The following CACNA1A variants were observed in gnomAD, a reference collection of about 807,000 sequenced individuals.
The protein encoded by CACNA1A is calcium voltage-gated channel subunit alpha1 A.
In CACNA1A, 57 loss-of-function variants were observed where a neutral mutation model predicts 262.4. That is an observed-to-expected ratio of 0.22 (90% confidence interval 0.18 to 0.27). The LOEUF is 0.27. Among genes scored for constraint, CACNA1A ranks in the 10% least tolerant of loss-of-function variants. CACNA1A has a pLI of 1.00. For synonymous variants in CACNA1A, 1,431 were observed against 1,419.3 expected (o/e 1.01, Z -0.18); for missense variants, 2,526 against 3,562.8 (o/e 0.71, Z 7.41).
chr19:13,346,611 ATTGATTATATATATATATATATAT>A (rs2058767185), intron 6 of CACNA1A, among the ~76,000 whole-genome samples: 1 of 92,070 alleles, frequency 1.1e-5, no homozygotes, highest in Admixed American at 1.3e-4. Context: ...AAAATTTTTA[ATTGATTATATATATATATATATAT>A]ATATATATAT....
intron 10 of CACNA1A, among the ~76,000 whole-genome samples, chr19:13,321,025 C>CTTTTTTTTTTTTTT: frequency 7.4e-6 from 1 of 135,940 alleles, no homozygotes; most frequent in Non-Finnish European, 1.6e-5. Flanking sequence ...TGTTCTTTTC[C>CTTTTTTTTTTTTTT]TTTTTTTTTT....
chr19:13,310,782 T>C (rs901656545), intron 12 of CACNA1A, among the ~76,000 whole-genome samples: 3 of 151,496 alleles, frequency 2.0e-5, no homozygotes, highest in Non-Finnish European at 4.4e-5. Flanking sequence ...GCTCAGGACA[T>C]TTTAAAATTT....
At chr19:13,228,822 G>A (rs1175050644) in intron 36 of CACNA1A, 2 of 1,377,206 alleles carry the variant, frequency 1.5e-6, no homozygotes, top group Non-Finnish European at 2.0e-6. Context: ...GGGGGTTAGT[G>A]CAGGCAATGG....
chr19:13,433,505 C>T (rs1352418308), intron 3 of CACNA1A, among the ~76,000 whole-genome samples: 2 of 142,816 alleles, frequency 1.4e-5, no homozygotes, highest in African/African-American at 5.1e-5. Context: ...AAGATGGACC[C>T]CCAGGGACAT....
intron 1 of CACNA1A, among the ~76,000 whole-genome samples, chr19:13,485,680 A>G (rs1030029394): frequency 2.0e-5 from 3 of 152,222 alleles, no homozygotes; most frequent in African/African-American, 7.2e-5. Context: ...AGAAATCACC[A>G]TGAGAAAGGC....
chr19:13,377,562 C>T (rs2059441948), intron 3 of CACNA1A, among the ~76,000 whole-genome samples: 1 of 151,030 alleles, frequency 6.6e-6, no homozygotes, highest in African/African-American at 2.4e-5. Context: ...GGGGTTTCAC[C>T]ATATTGACCA....
chr19:13,408,084 T>C (rs866068931), intron 3 of CACNA1A, among the ~76,000 whole-genome samples: 1 of 152,202 alleles, frequency 6.6e-6, no homozygotes, highest in African/African-American at 2.4e-5. Context: ...CCGCACAGCC[T>C]GTGGAGCCGT....
chr19:13,259,737 A>C, intron 26 of CACNA1A, 36 bp from the exon 27 acceptor site: 1 of 1,605,116 alleles, frequency 6.2e-7, no homozygotes, highest in Non-Finnish European at 8.5e-7. Flanking sequence ...GTAAATGGGA[A>C]AGAGGGGCTG....
chr19:13,355,708 TGCAGTATAAG>T (rs1451019465), intron 6 of CACNA1A, among the ~76,000 whole-genome samples: 1 of 152,190 alleles, frequency 6.6e-6, no homozygotes, highest in Non-Finnish European at 1.5e-5. Flanking sequence ...GACAGCTGAT[TGCAGTATAAG>T]GCATCCCCGT....
chr19:13,226,994 C>CG (rs1458651501), intron 37 of CACNA1A: 1 of 152,684 alleles, frequency 6.5e-6, no homozygotes, highest in African/African-American at 2.4e-5. Context: ...CGCCTGCTTT[C>CG]GGGGGCTAAA....
rs1341492474 is a variant in CACNA1A, at chr19:13,207,818, C to T, written c.7016G>A (p.Arg2339Gln). The T allele has an allele frequency of 1.1e-5, 16 of 1,460,064 alleles. No individual in the cohort carries two copies. The highest frequency in any genetic ancestry group is 1.5e-5 in the African/African-American group (1 of 67,456). 90.4% of individuals were successfully genotyped at this position (1,460,064 alleles called of 1,614,324 possible). The part of the protein sequence containing the change: ...RPGRAATSGP[R>Q]RYPGPTAEPL... ...CTCGGCCGTGGGGCCTGGGTACCTC[C>T]GAGGGCCGCTGGTGGCCGCCCGGCC... Residue 2339 changes from arginine to glutamine, a missense_variant, in exon 47 of 47, where the codon CGG becomes CAG. This residue lies in a region of CACNA1A where 929 missense variants were observed against 868.1 expected (regional missense o/e 1.07). Coordinates refer to ENST00000360228, the MANE Select transcript of CACNA1A (RefSeq NM_001127222.2). This position sits in a 1 kb window ranked among gnomAD's most constrained non-coding sequence, Gnocchi z 5.7.
intron 38 of CACNA1A, among the ~76,000 whole-genome samples, chr19:13,218,873 G>GA (rs2144563058): frequency 6.6e-6 from 1 of 152,236 alleles, no homozygotes; most frequent in East Asian, 1.9e-4. Flanking sequence ...GAGTAGTTGG[G>GA]ATTACAGGGG....
At chr19:13,466,292 C>A (rs2061236888) in intron 1 of CACNA1A, among the ~76,000 whole-genome samples, 1 of 150,464 alleles carries the variant, frequency 6.6e-6, no homozygotes. Flanking sequence ...CTGGGCGACA[C>A]AGTGAGGCTC....
intron 37 of CACNA1A, chr19:13,226,309 G>T (rs1568437745): frequency 7.0e-6 from 1 of 143,800 alleles, no homozygotes; most frequent in Non-Finnish European, 1.5e-5. Flanking sequence ...GCCAGGAGAG[G>T]CTCATTGTCT....
intron 3 of CACNA1A, among the ~76,000 whole-genome samples, chr19:13,413,200 A>G (rs991400064): frequency 2.7e-5 from 4 of 149,768 alleles, no homozygotes; most frequent in Non-Finnish European, 4.4e-5. Context: ...TCCGCCTCCC[A>G]GGTTCACACC....
At chr19:13,449,112 G>A (rs569802004) in intron 3 of CACNA1A, among the ~76,000 whole-genome samples, 3 of 151,796 alleles carry the variant, frequency 2.0e-5, no homozygotes, top group Admixed American at 1.3e-4. Context: ...GACTACAGGC[G>A]TGCGTCATCA....
At chr19:13,483,624 G>C (rs779924689) in intron 1 of CACNA1A, among the ~76,000 whole-genome samples, 17 of 152,184 alleles carry the variant, frequency 1.1e-4, no homozygotes, top group Admixed American at 4.6e-4. Flanking sequence ...TATGGTCTTG[G>C]GCAGACTGGA....
chr19:13,318,890 C>CTTTTTTTTTTTTATTTTTTTTT (rs2058186733), intron 10 of CACNA1A, among the ~76,000 whole-genome samples: 1 of 114,668 alleles, frequency 8.7e-6, no homozygotes, highest in East Asian at 3.1e-4. Context: ...TAAAATACAT[C>CTTTTTTTTTTTTATTTTTTTTT]TTTTTTTTTT....
At chr19:13,227,121 C>A (rs2055482185) in intron 37 of CACNA1A, 2 of 188,810 alleles carry the variant, frequency 1.1e-5, no homozygotes, top group Non-Finnish European at 1.1e-5. Flanking sequence ...CAATTTGGTA[C>A]CTGGGAGACC....
Sources: allele counts gnomAD v4.1 joint callset (sites outside exome capture counted in the v4.1 genomes callset), GRCh38; gene constraint gnomAD v4.1.1; regional missense constraint gnomAD v4.1.1; non-coding constraint Gnocchi (gnomAD v3.1); transcripts MANE v1.5; gene names NCBI Gene and HGNC (gene_info 2026-07-23, HGNC 2026-07-21).